Variants in POU2F2 observed in about 807,000 individuals in gnomAD.
POU2F2 encodes the protein POU class 2 homeobox 2.
A neutral mutation model predicts 63.5 loss-of-function variants in POU2F2; 14 were observed. That is an observed-to-expected ratio of 0.22 (90% CI 0.15 to 0.34). The LOEUF is 0.34. Among genes scored for constraint, POU2F2 ranks in the 10% least tolerant of loss-of-function variants. The pLI is 1.00. For missense variants in POU2F2, 607 were observed against 815.2 expected (o/e 0.74, Z 3.11); for synonymous variants, 306 against 348.6 (o/e 0.88, Z 1.36).
At chr19:42,103,032 T>C (rs1243768481) in intron 5 of POU2F2, among the ~76,000 whole-genome samples, 3 of 151,894 alleles carry the variant, frequency 2.0e-5, no homozygotes, top group Non-Finnish European at 1.5e-5. Context: ...TTTTCTGTTT[T>C]TTTTTTTCAA....
chr19:42,165,642 C>A (rs922076595), intron 1 of POU2F2, among the ~76,000 whole-genome samples: 1 of 152,160 alleles, frequency 6.6e-6, no homozygotes, highest in Non-Finnish European at 1.5e-5. Flanking sequence ...TGGCCCTGGG[C>A]AAGTCACTTC....
chr19:42,181,241 C>A (rs2034957134), intron 1 of POU2F2, among the ~76,000 whole-genome samples: 1 of 152,224 alleles, frequency 6.6e-6, no homozygotes, highest in Non-Finnish European at 1.5e-5. Flanking sequence ...TGTATACACA[C>A]CAGGCACATG....
In POU2F2 at chr19:42,138,175, G is replaced by A. The variant is rs147094659; in HGVS notation, c.-8-15599C>T. 1.9e-3 allele frequency among the ~76,000 whole-genome samples: 297 copies of A among 152,350 alleles called. 3 individuals are homozygous for A. Among genetic ancestry groups the A allele is most frequent in the African/African-American group, 6.9e-3 (287 of 41,584 alleles). On this transcript the variant is annotated intron_variant, in intron 2 of 6. Coordinates refer to the POU2F2 transcript ENST00000524801. ...CAGAGGATGGAGTGTGGGGGTCAGCGTGAGGAAGCTGATGAATTCCACATC... is the reference window on the plus strand; with the variant it reads ...CAGAGGATGGAGTGTGGGGGTCAGCATGAGGAAGCTGATGAATTCCACATC...
In POU2F2 at chr19:42,119,077, C is replaced by T. The variant is rs113295822; in HGVS notation, c.187-1645G>A. ...GCTGAGGCAGGAGGATTGCTTGAGG[C>T]CAGGAGTTTGAGACTAGCCTGGGCA... On this transcript the variant is annotated intron_variant, in intron 4 of 14. Coordinates refer to ENST00000692977, the MANE Select transcript of POU2F2 (RefSeq NM_001394376.1). 4.3e-3 allele frequency among the ~76,000 whole-genome samples: 650 copies of T among 151,434 alleles called. 13 individuals carry two copies. The highest frequency in any genetic ancestry group is 0.015 in the African/African-American group (610 of 41,206).
intron 1 of POU2F2, among the ~76,000 whole-genome samples, chr19:42,183,583 G>A (rs576504952): frequency 9.2e-5 from 14 of 152,228 alleles, no homozygotes; most frequent in Admixed American, 5.9e-4. Context: ...TTTATTGCAT[G>A]CAAATTATAT....
At chr19:42,146,032 C>CAAAAAA (rs1004458482) in intron 2 of POU2F2, among the ~76,000 whole-genome samples, 2 of 49,764 alleles carry the variant, frequency 4.0e-5, no homozygotes, top group Non-Finnish European at 8.9e-5. Flanking sequence ...GACTCCGTCT[C>CAAAAAA]AAAAAAAAAA....
In POU2F2 at chr19:42,087,124, G is replaced by A. The variant is rs1380805250; in HGVS notation, c.*4133C>T. On this transcript the variant is annotated 3_prime_UTR_variant, in exon 15 of 15. Coordinates refer to ENST00000692977, the MANE Select transcript of POU2F2 (RefSeq NM_001394376.1). ...TTTTTCCAACATATAAAAAGGTAGC[G>A]GAGTTGTCTGTGGGTTTTTTTTTTT... 1.3e-5 allele frequency: 2 copies of A among 148,516 alleles called. No homozygotes were observed. Among genetic ancestry groups the A allele is most frequent in the East Asian group, 1.9e-4 (1 of 5,144 alleles). 9.2% of individuals were successfully genotyped at this position (148,516 alleles called of 1,614,324 possible).
rs776559639 is a variant in POU2F2, at chr19:42,117,375, G to A, written c.244C>T (p.Pro82Ser). 3.9e-6 allele frequency: 6 copies of A among 1,521,020 alleles called. No homozygotes were observed. The highest frequency in any genetic ancestry group is 1.3e-5 in the South Asian group (1 of 78,076). 94.2% of individuals were successfully genotyped at this position (1,521,020 alleles called of 1,614,324 possible). Residue 82 changes from proline (P) to serine (S), a missense_variant, in exon 5 of 15, where the codon CCC becomes TCC. By Grantham distance (74) the Pro-to-Ser change is moderately conservative. Coordinates refer to ENST00000692977, the MANE Select transcript of POU2F2 (RefSeq NM_001394376.1). This position sits in a 1 kb window ranked among gnomAD's most constrained non-coding sequence, Gnocchi z 4.4. ...TFWGPGPCLS[P>S]PQIKAEDPSG... is the part of the protein sequence containing the mutation. ...GGGTCTTCAGCCTTGATCTGGGGGG[G>A]AGAGAGGCAGGGTCCGGGACCCCAG...
chr19:42,122,806 C>T (rs75147851), intron 1 of POU2F2, among the ~76,000 whole-genome samples: 1,794 of 152,292 alleles, frequency 0.012, 40 homozygotes, highest in African/African-American at 0.041. Context: ...CTTATCCTTT[C>T]ACCTCTCCAG....
intron 5 of POU2F2, among the ~76,000 whole-genome samples, chr19:42,116,189 T>C (rs1327147013): frequency 6.6e-6 from 1 of 152,196 alleles, no homozygotes; most frequent in Non-Finnish European, 1.5e-5. Flanking sequence ...TAATTCATGA[T>C]TAACTATGGA....
At chr19:42,141,473 C>CTTTTTTTTTTTT (rs58221767) in intron 2 of POU2F2, among the ~76,000 whole-genome samples, 1 of 98,978 alleles carries the variant, frequency 1.0e-5, no homozygotes, top group African/African-American at 4.2e-5. Flanking sequence ...CTTAATTAAT[C>CTTTTTTTTTTTT]TTTTTTTTTT....
At chr19:42,108,168 A>G (rs1419455321) in intron 5 of POU2F2, among the ~76,000 whole-genome samples, 2 of 152,072 alleles carry the variant, frequency 1.3e-5, no homozygotes, top group Non-Finnish European at 2.9e-5. Context: ...TATCTCCCCA[A>G]CTACAGCGGG....
chr19:42,091,905 G>A lies in POU2F2; in HGVS notation c.1502C>T (p.Pro501Leu). The A allele has an allele frequency of 6.5e-7, 1 of 1,540,390 alleles. No homozygotes were observed. The highest frequency in any genetic ancestry group is 1.2e-5 in the South Asian group (1 of 84,060). The change falls in exon 14 of 15, where the codon CCA becomes CTA. Residue 501 changes from proline to leucine, a missense_variant. Coordinates refer to ENST00000692977, the MANE Select transcript of POU2F2 (RefSeq NM_001394376.1). ...CAAAGGGTTGTTGCTCATGAGGGCT[G>A]GACTCAGCCCGGAGCTCAACCCCAC... is the stretch of plus-strand genomic sequence containing the variant. ...TMVGLSSGLSPALMSNNPLAT... is the reference protein window; with the variant it reads ...TMVGLSSGLSLALMSNNPLAT...
chr19:42,122,453 T>A (rs372921127), intron 2 of POU2F2, 58 bp downstream of exon 2: 5 of 1,608,132 alleles, frequency 3.1e-6, no homozygotes, highest in Non-Finnish European at 4.3e-6. Flanking sequence ...TCTCTTCCCA[T>A]CTGTCCCACT....
intron 1 of POU2F2, among the ~76,000 whole-genome samples, chr19:42,194,845 A>G (rs1263467553): frequency 5.3e-5 from 6 of 114,114 alleles, no homozygotes; most frequent in Non-Finnish European, 8.9e-5. Context: ...GAAAGGGAGG[A>G]AGGGAGGGAG....
intron 5 of POU2F2, among the ~76,000 whole-genome samples, chr19:42,106,063 T>TTTTTCTTTC (rs1568999387): frequency 6.6e-6 from 1 of 150,714 alleles, no homozygotes; most frequent in African/African-American, 2.4e-5. Flanking sequence ...TCTTTCTTTC[T>TTTTTCTTTC]TTTTCTTTCT....
chr19:42,093,167 C>A (rs1281920224), intron 12 of POU2F2, among the ~76,000 whole-genome samples: 2 of 151,586 alleles, frequency 1.3e-5, no homozygotes, highest in South Asian at 2.1e-4. Context: ...CACGCCACCA[C>A]GCCCAGCTAA....
At position 42,095,703 on chromosome 19, in the gene POU2F2, G is replaced by C. The variant is rs765427701; in HGVS notation, c.872-10C>G. ...TCCACAGACATAGTCTCTGTGCGCC[G>C]GGGGAGACGTGAGCATGAGAAGGGG... On this transcript the variant is annotated splice_polypyrimidine_tract_variant and intron_variant, in intron 9 of 14. Transcript: ENST00000692977. The surrounding 1 kb of genome is among the most constrained non-coding windows in gnomAD (Gnocchi z 7.1). 1.2e-6 allele frequency: 2 copies of C among 1,610,898 alleles called. No individual in the cohort carries two copies. Among genetic ancestry groups the C allele is most frequent in the Non-Finnish European group, 1.7e-6 (2 of 1,179,804 alleles).
rs1404884267 is a variant in POU2F2 at position 42,122,516 on chromosome 19, T to C, written c.89A>G (p.His30Arg). Residue 30 changes from histidine to arginine, a missense_variant, in exon 2 of 15, where the codon CAC becomes CGC. Physicochemically the swap from His to Arg is conservative, Grantham distance 29 (BLOSUM62 0). Around this residue, in one of 7 missense-constraint regions of POU2F2, gnomAD observed 224 missense variants for 264.3 expected, o/e 0.85. Coordinates refer to ENST00000692977, the MANE Select transcript of POU2F2 (RefSeq NM_001394376.1). ...CCTGCTCCCTGCCCACCCACCTGTG[T>C]GCTCTGATGGGGAGTCCAGACCTTG... Reference protein sequence around the residue: ...EKQGLDSPSEHTDTERNGPDT... With the variant: ...EKQGLDSPSERTDTERNGPDT... The C allele has an allele frequency of 2.5e-6, 4 of 1,610,340 alleles. No homozygotes were observed. The African/African-American group carries it at 4.0e-5, about 16-fold the overall frequency.
Sources: gnomAD v4.1 joint callset for allele counts (sites outside exome capture counted in the v4.1 genomes callset) on GRCh38, gnomAD v4.1.1 for gene constraint, gnomAD v4.1.1 regional missense constraint, Gnocchi (gnomAD v3.1) non-coding constraint, MANE v1.5 for transcripts, NCBI Gene and HGNC (gene_info 2026-07-23, HGNC 2026-07-21) for gene names.